Variants in RALGAPA2 observed in about 807,000 individuals in gnomAD.
RALGAPA2 encodes Ral GTPase activating protein catalytic subunit alpha 2.
RALGAPA2 carries 139 observed loss-of-function variants against 230.4 expected under a neutral mutation model. The observed-to-expected ratio is 0.60, with a 90% CI of 0.53 to 0.69. The LOEUF is 0.69. RALGAPA2 is among the 30% of genes least tolerant of loss of function. RALGAPA2 has a pLI of 0.00. For missense variants in RALGAPA2, 2,163 were observed against 2,276.0 expected (o/e 0.95, Z 1.01); for synonymous variants, 847 against 837.8 (o/e 1.01, Z -0.19).
rs141759584 is a variant in RALGAPA2, at chr20:20,642,493, G to A, written c.372+1013C>T. Among the ~76,000 whole-genome samples the A allele has an allele frequency of 7.0e-3, 1,063 of 152,312 alleles. 10 individuals carry two copies. Among genetic ancestry groups the A allele is most frequent in the African/African-American group, 0.024 (1,007 of 41,568 alleles). ...CCCAAAGTGCTGGGGTTACAGGCAT[G>A]AGCCACTGTGCCTGGCCAGCTCTAT... is the stretch of plus-strand genomic sequence containing the variant. On this transcript the variant is annotated intron_variant, in intron 5 of 39. Transcript: ENST00000202677.
At chr20:20,531,596 G>A in intron 27 of RALGAPA2, 91 bp downstream of exon 27, 1 of 1,075,016 alleles carries the variant, frequency 9.3e-7, no homozygotes, top group South Asian at 1.4e-5. Flanking sequence ...TGTCATTTGG[G>A]GGATAAAAAA....
At chr20:20,709,351 G>A (rs2069749457) in intron 1 of RALGAPA2, among the ~76,000 whole-genome samples, 1 of 151,974 alleles carries the variant, frequency 6.6e-6, no homozygotes, top group African/African-American at 2.4e-5. Flanking sequence ...AGCCTAGTGT[G>A]GTGGTACATG....
chr20:20,518,351 G>A (rs1014604891), intron 31 of RALGAPA2, among the ~76,000 whole-genome samples: 9 of 152,140 alleles, frequency 5.9e-5, no homozygotes, highest in African/African-American at 1.7e-4. Context: ...CACCACGCCC[G>A]GCCACCCTGA....
intron 27 of RALGAPA2, among the ~76,000 whole-genome samples, chr20:20,529,716 TCCAGAAA>T (rs1390275868): frequency 6.6e-6 from 1 of 152,204 alleles, no homozygotes; most frequent in Non-Finnish European, 1.5e-5. Flanking sequence ...TCCCACACAG[TCCAGAAA>T]CCATCTAGGT....
intron 9 of RALGAPA2, among the ~76,000 whole-genome samples, chr20:20,630,963 C>T (rs909258390): frequency 2.0e-5 from 3 of 152,076 alleles, no homozygotes; most frequent in African/African-American, 7.2e-5. Context: ...TTAAAGATGA[C>T]CACAAATTCT....
chr20:20,613,464 C>A (rs1315316579), intron 13 of RALGAPA2, among the ~76,000 whole-genome samples: 1 of 152,232 alleles, frequency 6.6e-6, no homozygotes, highest in African/African-American at 2.4e-5. Context: ...ATCTATGGCA[C>A]TGCACTGCAT....
At chr20:20,503,003 C>A (rs550478217) in intron 35 of RALGAPA2, among the ~76,000 whole-genome samples, 1 of 152,264 alleles carries the variant, frequency 6.6e-6, no homozygotes, top group South Asian at 2.1e-4. Context: ...GGCGGCTGAG[C>A]AGCTGCACAC....
chr20:20,682,685 C>G (rs929712300), intron 1 of RALGAPA2, among the ~76,000 whole-genome samples: 7 of 152,224 alleles, frequency 4.6e-5, no homozygotes, highest in Non-Finnish European at 1.0e-4. Flanking sequence ...CCTGCCCTCA[C>G]AGAACCCACA....
intron 3 of RALGAPA2, among the ~76,000 whole-genome samples, chr20:20,655,293 T>C (rs1325905069): frequency 1.3e-5 from 2 of 150,318 alleles, no homozygotes; most frequent in Non-Finnish European, 3.0e-5. Context: ...AGAGAGATGA[T>C]AAAGAAAAGA....
At chr20:20,512,345 T>G (rs2062738433) in intron 32 of RALGAPA2, among the ~76,000 whole-genome samples, 168 bp downstream of exon 32, 1 of 152,194 alleles carries the variant, frequency 6.6e-6, no homozygotes, top group Non-Finnish European at 1.5e-5. Flanking sequence ...ATTTCATTTC[T>G]AGCTTTAATT....
At chr20:20,499,419 A>G (rs2062308473) in intron 35 of RALGAPA2, among the ~76,000 whole-genome samples, 1 of 152,244 alleles carries the variant, frequency 6.6e-6, no homozygotes, top group African/African-American at 2.4e-5. Flanking sequence ...CTCAGTCATA[A>G]GAAAATTATA....
Position 20,620,880 on chromosome 20 carries a change from C to T in RALGAPA2, c.1234-250G>A, listed in dbSNP as rs534625981. 3.7e-4 allele frequency among the ~76,000 whole-genome samples: 56 copies of T among 152,296 alleles called. 2 individuals are homozygous for T. Among genetic ancestry groups the T allele is most frequent in the Admixed American group, 2.9e-3 (44 of 15,304 alleles). On this transcript the variant is annotated intron_variant, in intron 10 of 39. Coordinates refer to ENST00000202677, the MANE Select transcript of RALGAPA2 (RefSeq NM_020343.4). ...TTTATAGGCCGGGCGCAGTGGCTCA[C>T]GCCTGTAATCCTAACACTTTGGGAG...
Position 20,392,954 on chromosome 20 carries a change from TG to T in RALGAPA2, c.*334del. The T allele has an allele frequency of 1.4e-6, 1 of 733,142 alleles. No homozygotes were observed. The highest frequency in any genetic ancestry group is 1.9e-5 in the African/African-American group (1 of 53,242). 45.4% of individuals were successfully genotyped at this position (733,142 alleles called of 1,614,324 possible). A position where few individuals can be genotyped will look rare whatever the true frequency, so the allele number is the denominator to read the frequency against. On this transcript the variant is annotated 3_prime_UTR_variant, in exon 40 of 40. Transcript: ENST00000202677. The stretch of plus-strand genomic sequence containing the variant: ...AGCCACACCAGTGCCCACGTGTCAG[TG>T]GGTTCATCTCTGGTTTTTGGTGACT...
At chr20:20,609,493 G>C (rs1036193102) in intron 14 of RALGAPA2, among the ~76,000 whole-genome samples, 3 of 152,024 alleles carry the variant, frequency 2.0e-5, no homozygotes, top group African/African-American at 7.2e-5. Flanking sequence ...TTCATGGGGG[G>C]AGTTTTTTTT....
chr20:20,670,607 G>A lies in RALGAPA2; in HGVS notation c.270+5629C>T, dbSNP rs574537703. On this transcript the variant is annotated intron_variant, in intron 3 of 39. Coordinates refer to ENST00000202677, the MANE Select transcript of RALGAPA2 (RefSeq NM_020343.4). ...GACAAAGCAATGATGGATGAAATAT[G>A]GTTTTTAAAGTACAGTAAGAGTCAT... 1.1e-3 allele frequency among the ~76,000 whole-genome samples: 173 copies of A among 151,344 alleles called. 1 individual carries two copies. Among genetic ancestry groups the A allele is most frequent in the African/African-American group, 3.9e-3 (162 of 41,178 alleles).
At chr20:20,480,923 C>CTGACAAACTGGATTTCCTT (rs1328112987) in intron 36 of RALGAPA2, among the ~76,000 whole-genome samples, 8 of 152,184 alleles carry the variant, frequency 5.3e-5, no homozygotes, top group Admixed American at 6.5e-5. Flanking sequence ...TCCATGACTG[C>CTGACAAACTGGATTTCCTT]TGACAAACTG....
chr20:20,434,286 G>A (rs902692049), intron 37 of RALGAPA2, among the ~76,000 whole-genome samples: 5 of 152,132 alleles, frequency 3.3e-5, no homozygotes, highest in South Asian at 2.1e-4. Flanking sequence ...TCCTCTGTGG[G>A]GGTCCCGGGA....
intron 36 of RALGAPA2, among the ~76,000 whole-genome samples, chr20:20,478,706 G>C (rs1236681667): frequency 6.6e-6 from 1 of 152,010 alleles, no homozygotes; most frequent in Non-Finnish European, 1.5e-5. Flanking sequence ...TACCAGAAGG[G>C]GGAGGGAGGG....
chr20:20,518,742 C>T (rs1302503755), intron 31 of RALGAPA2, among the ~76,000 whole-genome samples: 1 of 152,038 alleles, frequency 6.6e-6, no homozygotes, highest in African/African-American at 2.4e-5. Context: ...TTATCTTCTG[C>T]TATTTTTAAG....
Sources: gnomAD v4.1 joint callset for allele counts (sites outside exome capture counted in the v4.1 genomes callset) on GRCh38, gnomAD v4.1.1 for gene constraint, MANE v1.5 for transcripts, NCBI Gene and HGNC (gene_info 2026-07-23, HGNC 2026-07-21) for gene names.